The following FIGLA variants were observed in gnomAD, a reference collection of about 807,000 sequenced individuals.
FIGLA encodes the protein factor in the germline alpha.
Under a neutral mutation model 21.5 loss-of-function variants are expected in FIGLA, and 17 were observed. The ratio of observed to expected loss-of-function variants is 0.79; its 90% confidence interval spans 0.54 to 1.19. FIGLA has a LOEUF of 1.19. FIGLA is among the 50% of genes most tolerant of loss of function. The pLI, the probability that FIGLA is intolerant of heterozygous loss-of-function variation, is 0.00. For missense variants in FIGLA, 282 were observed against 285.0 expected (o/e 0.99, Z 0.08); for synonymous variants, 129 against 117.6 (o/e 1.10, Z -0.63).
intron 1 of FIGLA, 56 bp downstream of exon 1, chr2:70,790,352 G>T: frequency 6.9e-7 from 1 of 1,459,120 alleles, no homozygotes. Flanking sequence ...TTGACCAGGT[G>T]TTTGGTGGTA....
rs201816431 is a variant in FIGLA at position 70,785,517 on chromosome 2, T to G, written c.507A>C (p.Glu169Asp). The change falls in exon 3 of 5, where the codon GAA (glutamate) becomes GAC (aspartate). Residue 169 changes from glutamate (E) to aspartate (D), a missense_variant. Coordinates refer to ENST00000332372, the MANE Select transcript of FIGLA (RefSeq NM_001004311.3). ...HISCAFGLKNEEEGPWADGGS... is the reference protein window; with the variant it reads ...HISCAFGLKNDEEGPWADGGS... The stretch of plus-strand genomic sequence containing the variant: ...CACCATCTGCCCAAGGCCCTTCCTC[T>G]TCATTCTTCAAGCCGAAAGCACAGC... 2 of 1,614,016 alleles carry G rather than the reference T, an allele frequency of 1.2e-6. No homozygotes were observed. Among genetic ancestry groups the G allele is most frequent in the Non-Finnish European group, 1.7e-6 (2 of 1,179,886 alleles).
At position 70,788,003 on chromosome 2, in the gene FIGLA, G is replaced by A. The variant is rs1265843172; in HGVS notation, c.232-202C>T. ...GAATGGCATAAACTTGGTACTATGGGCAGATGGGCTGCAAGGTGTGTTCAT... is the reference window on the plus strand; with the variant it reads ...GAATGGCATAAACTTGGTACTATGGACAGATGGGCTGCAAGGTGTGTTCAT... On this transcript the variant is annotated intron_variant, in intron 1 of 4. Coordinates refer to ENST00000332372, the MANE Select transcript of FIGLA (RefSeq NM_001004311.3). 3.9e-5 allele frequency among the ~76,000 whole-genome samples: 6 copies of A among 152,330 alleles called. No individual in the cohort carries two copies. In the East Asian group the frequency reaches 1.2e-3, roughly 29 times the overall value.
chr2:70,784,989 G>A (rs1185887751), intron 3 of FIGLA, among the ~76,000 whole-genome samples: 1 of 150,814 alleles, frequency 6.6e-6, no homozygotes, highest in Non-Finnish European at 1.5e-5. Flanking sequence ...CTTTATGTAT[G>A]GCAAGCTACT....
chr2:70,784,492 G>A (rs1675910538), intron 3 of FIGLA, among the ~76,000 whole-genome samples: 1 of 152,168 alleles, frequency 6.6e-6, no homozygotes, highest in Non-Finnish European at 1.5e-5. Flanking sequence ...CCATTGCTCA[G>A]ATGGAGAAAC....
At chr2:70,789,811 C>T (rs1553390568) in intron 1 of FIGLA, among the ~76,000 whole-genome samples, 1 of 152,190 alleles carries the variant, frequency 6.6e-6, no homozygotes, top group African/African-American at 2.4e-5. Context: ...CAGGACCCTT[C>T]CCGTTTGCGA....
At chr2:70,780,054 G>A (rs1553388885) in intron 3 of FIGLA, among the ~76,000 whole-genome samples, 2 of 152,148 alleles carry the variant, frequency 1.3e-5, no homozygotes, top group Non-Finnish European at 2.9e-5. Context: ...GGCTTCTCAT[G>A]GCTCACGGCC....
chr2:70,778,745 T>C (rs1675806629), intron 3 of FIGLA, among the ~76,000 whole-genome samples: 1 of 152,202 alleles, frequency 6.6e-6, no homozygotes, highest in African/African-American at 2.4e-5. Flanking sequence ...TGGCTGTTGG[T>C]CTCATCTAAG....
In FIGLA at chr2:70,782,264, T is replaced by C. The variant is rs76694733; in HGVS notation, c.609+3151A>G. On this transcript the variant is annotated intron_variant, in intron 3 of 4. Coordinates refer to ENST00000332372, the MANE Select transcript of FIGLA (RefSeq NM_001004311.3). Reference sequence around the variant, plus strand: ...ATAGAATAAATCAAAATCTGCCCCATGTAATAGGATGCAATGAGTAGAAAA... The same window carrying C: ...ATAGAATAAATCAAAATCTGCCCCACGTAATAGGATGCAATGAGTAGAAAA... Among the ~76,000 whole-genome samples the C allele has an allele frequency of 2.5e-3, 380 of 152,290 alleles. 1 individual carries two copies. The highest frequency in any genetic ancestry group is 8.6e-3 in the African/African-American group (356 of 41,562).
At chr2:70,782,653 T>C (rs1407467101) in intron 3 of FIGLA, among the ~76,000 whole-genome samples, 1 of 152,260 alleles carries the variant, frequency 6.6e-6, no homozygotes, top group Non-Finnish European at 1.5e-5. Flanking sequence ...AAATGTACAC[T>C]GAAGCCTTAG....
intron 3 of FIGLA, among the ~76,000 whole-genome samples, chr2:70,779,475 T>TG (rs1282429753): frequency 6.6e-6 from 1 of 152,158 alleles, no homozygotes; most frequent in African/African-American, 2.4e-5. Context: ...AAGGTGCTAA[T>TG]GAATTCATCC....
intron 3 of FIGLA, among the ~76,000 whole-genome samples, chr2:70,778,412 C>T (rs191469624): frequency 1.2e-3 from 189 of 152,036 alleles, no homozygotes; most frequent in Non-Finnish European, 2.4e-3. Context: ...TAATCTTGAT[C>T]GAGTCTTTCC....
intron 3 of FIGLA, among the ~76,000 whole-genome samples, chr2:70,780,589 A>G (rs1675836649): frequency 6.6e-6 from 1 of 152,202 alleles, no homozygotes; most frequent in Admixed American, 6.5e-5. Context: ...CAAGCTTTTT[A>G]TACAGTTAAT....
intron 2 of FIGLA, among the ~76,000 whole-genome samples, chr2:70,786,914 A>C (rs554157072): frequency 6.6e-6 from 1 of 152,214 alleles, no homozygotes; most frequent in South Asian, 2.1e-4. Flanking sequence ...AGAGTTGCTT[A>C]GGGCTCATTT....
chr2:70,784,186 G>A lies in FIGLA; in HGVS notation c.609+1229C>T, dbSNP rs73937005. Among the ~76,000 whole-genome samples, 1,368 of 152,038 alleles carry A rather than the reference G, an allele frequency of 9.0e-3. 25 individuals are homozygous for A. Among genetic ancestry groups the A allele is most frequent in the African/African-American group, 0.031 (1,291 of 41,442 alleles). On this transcript the variant is annotated intron_variant, in intron 3 of 4. Transcript: ENST00000332372. ...CTAATCAGAAATGGAAGCCAAGGCC[G>A]CCCACCACCTCTCTCCCCACCCCTG... is the stretch of plus-strand genomic sequence containing the variant.
At chr2:70,783,139 C>CA (rs1364770067) in intron 3 of FIGLA, among the ~76,000 whole-genome samples, 4 of 151,582 alleles carry the variant, frequency 2.6e-5, no homozygotes, top group South Asian at 2.1e-4. Context: ...AATGCTTCTG[C>CA]AAAAAAATGG....
intron 1 of FIGLA, 65 bp from the exon 2 acceptor site, chr2:70,787,866 A>G: frequency 6.5e-7 from 1 of 1,540,272 alleles, no homozygotes; most frequent in Non-Finnish European, 8.8e-7. Flanking sequence ...TCCCCAAGCT[A>G]CAGAAGGGGG....
chr2:70,777,471 A>T, intron 4 of FIGLA, 89 bp from the exon 5 acceptor site: 3 of 1,338,184 alleles, frequency 2.2e-6, no homozygotes, highest in Non-Finnish European at 3.0e-6. Flanking sequence ...AATTAATTTT[A>T]TTAGTAATCA....
In FIGLA at chr2:70,790,546, C is replaced by T. The variant is rs1553390765; in HGVS notation, c.93G>A (p.Arg31=). Residue 31 remains arginine (R), a synonymous_variant, in exon 1 of 5, where the codon CGG becomes CGA. Transcript: ENST00000332372. ...PQAEVLEDVL[R]EQFGPLPQLA... is the part of the protein sequence containing the mutation. ...GCTGGGGCAGCGGCCCGAACTGCTCCCGCAACACGTCCTCCAGCACCTCGG... is the reference window on the plus strand; with the variant it reads ...GCTGGGGCAGCGGCCCGAACTGCTCTCGCAACACGTCCTCCAGCACCTCGG... 2.6e-6 allele frequency: 4 copies of T among 1,533,436 alleles called. No homozygotes were observed. In the African/African-American group the frequency reaches 4.2e-5, roughly 16 times the overall value. 95.0% of individuals were successfully genotyped at this position (1,533,436 alleles called of 1,614,324 possible).
chr2:70,784,624 T>A (rs1245874824), intron 3 of FIGLA, among the ~76,000 whole-genome samples: 1 of 152,126 alleles, frequency 6.6e-6, no homozygotes, highest in African/African-American at 2.4e-5. Context: ...CTCAACTGCC[T>A]CCCTCCAACC....
Sources: gnomAD v4.1 joint callset for allele counts (sites outside exome capture counted in the v4.1 genomes callset) on GRCh38, gnomAD v4.1.1 for gene constraint, MANE v1.5 for transcripts, NCBI Gene and HGNC (gene_info 2026-07-23, HGNC 2026-07-21) for gene names.